OSBPL11: variants seen among roughly 807,000 people sequenced by gnomAD.
OSBPL11 encodes oxysterol-binding protein-related protein 11.
OSBPL11 carries 33 observed loss-of-function variants against 84.4 expected under a neutral mutation model. The ratio of observed to expected loss-of-function variants is 0.39; its 90% confidence interval spans 0.30 to 0.52. OSBPL11 has a LOEUF of 0.52. Among genes scored for constraint, OSBPL11 ranks in the 20% least tolerant of loss-of-function variants. The pLI is 0.72. For missense variants in OSBPL11, 736 were observed against 901.1 expected (o/e 0.82, Z 2.35); for synonymous variants, 276 against 310.2 (o/e 0.89, Z 1.16).
chr3:125,540,465 CACTT>C (rs1935713320), intron 10 of OSBPL11, among the ~76,000 whole-genome samples: 1 of 151,580 alleles, frequency 6.6e-6, no homozygotes, highest in Admixed American at 6.6e-5. Flanking sequence ...AAAGCATACA[CACTT>C]AAATAACTGC....
intron 8 of OSBPL11, among the ~76,000 whole-genome samples, chr3:125,557,457 C>A (rs1466221895): frequency 6.6e-6 from 1 of 152,130 alleles, no homozygotes; most frequent in Non-Finnish European, 1.5e-5. Context: ...CCTCAGCTTA[C>A]TGTAACCTCT....
chr3:125,545,606 A>G (rs886927859), intron 10 of OSBPL11, among the ~76,000 whole-genome samples: 2 of 152,024 alleles, frequency 1.3e-5, no homozygotes, highest in African/African-American at 2.4e-5. Context: ...AAGTATATAG[A>G]TATATGTATA....
chr3:125,560,209 C>T (rs550348419), intron 8 of OSBPL11, among the ~76,000 whole-genome samples, 170 bp downstream of exon 8: 32 of 151,954 alleles, frequency 2.1e-4, no homozygotes, highest in African/African-American at 6.8e-4. Flanking sequence ...TGCAGTGAGC[C>T]GAGATCGCAC....
intron 1 of OSBPL11, 47 bp from the exon 2 acceptor site, chr3:125,583,025 C>A: frequency 1.5e-6 from 2 of 1,368,988 alleles, no homozygotes; most frequent in Non-Finnish European, 2.0e-6. Flanking sequence ...TAGAAGAAAT[C>A]CCAGGAGGAT....
Position 125,552,320 on chromosome 3 carries a change from A to G in OSBPL11, c.1515T>C (p.Val505=). The change falls in exon 9 of 13, where the codon GTT becomes GTC. Residue 505 remains valine (V), a synonymous_variant. Transcript: ENST00000296220. The stretch of plus-strand genomic sequence containing the variant: ...GAGGATGATGAGAAACCTGCTCAGC[A>G]ACAAATCTGACTGTGTAACAGTCTG... ...VGSDCYTVRF[V]AEQVSHHPPV... The G allele has an allele frequency of 6.2e-7, 1 of 1,614,140 alleles. No homozygotes were observed. The highest frequency in any genetic ancestry group is 8.5e-7 in the Non-Finnish European group (1 of 1,180,024).
At chr3:125,579,090 A>G in intron 3 of OSBPL11, 51 bp from the exon 4 acceptor site, 3 of 1,284,756 alleles carry the variant, frequency 2.3e-6, no homozygotes, top group Non-Finnish European at 3.3e-6. Flanking sequence ...CTGGAACACA[A>G]TTAATTGCCT....
At chr3:125,590,323 G>T (rs936043056) in intron 1 of OSBPL11, among the ~76,000 whole-genome samples, 1 of 152,208 alleles carries the variant, frequency 6.6e-6, no homozygotes, top group Non-Finnish European at 1.5e-5. Flanking sequence ...GCCGAAGTGG[G>T]TGGATCACTT....
At chr3:125,548,875 AT>A (rs34392203) in intron 9 of OSBPL11, among the ~76,000 whole-genome samples, 17,376 of 146,774 alleles carry the variant, frequency 0.12, 1,230 homozygotes, top group Non-Finnish European at 0.17. Context: ...AACATCAACT[AT>A]TTTTTTTTTT....
At chr3:125,555,796 TGCCTCA>T (rs2107597183) in intron 8 of OSBPL11, among the ~76,000 whole-genome samples, 1 of 152,244 alleles carries the variant, frequency 6.6e-6, no homozygotes, top group South Asian at 2.1e-4. Flanking sequence ...GTGATTCCTG[TGCCTCA>T]GCCTCCTGAA....
intron 1 of OSBPL11, among the ~76,000 whole-genome samples, chr3:125,594,303 T>A (rs1356824267): frequency 6.6e-6 from 1 of 152,230 alleles, no homozygotes; most frequent in Non-Finnish European, 1.5e-5. Context: ...TCGCAGTCTA[T>A]CAGAGAAAGC....
intron 10 of OSBPL11, 125 bp from the exon 11 acceptor site, chr3:125,538,758 T>C: frequency 2.9e-6 from 2 of 693,016 alleles, no homozygotes; most frequent in East Asian, 2.7e-5. Flanking sequence ...CACTTCAATA[T>C]GTCAGTGCCA....
rs1264366317 is a variant in OSBPL11 at position 125,530,106 on chromosome 3, G to C, written c.*409C>G. 1 of 181,460 alleles carries C rather than the reference G, an allele frequency of 5.5e-6. No individual in the cohort carries two copies. The highest frequency in any genetic ancestry group is 1.2e-5 in the Non-Finnish European group (1 of 84,514). The allele number at this position is 181,460 out of a possible 1,614,324, so 11.2% of individuals were successfully genotyped here. On this transcript the variant is annotated 3_prime_UTR_variant, in exon 13 of 13. Transcript: ENST00000296220. ...GTAGTGAATACTTCAGTTATGGACA[G>C]AAAGAAAGACACAAACTCTGAAACG...
intron 10 of OSBPL11, among the ~76,000 whole-genome samples, chr3:125,546,173 G>GT (rs1559837047): frequency 7.2e-6 from 1 of 137,972 alleles, no homozygotes; most frequent in Non-Finnish European, 1.6e-5. Flanking sequence ...TTTTGTGTGT[G>GT]TGTGTTTTTT....
Position 125,595,257 on chromosome 3 carries a change from G to A in OSBPL11, c.-457C>T, listed in dbSNP as rs911451441. On this transcript the variant is annotated 5_prime_UTR_variant, in exon 1 of 13. Coordinates refer to ENST00000296220, the MANE Select transcript of OSBPL11 (RefSeq NM_022776.5). ...GTCCTCAGGCAGTGCGTCCAGTCAA[G>A]CCCGCTCGGCAGTTCCCGCCGCAGC... 6.6e-6 allele frequency among the ~76,000 whole-genome samples: 1 copy of A among 152,182 alleles called. No individual in the cohort carries two copies. The highest frequency in any genetic ancestry group is 2.4e-5 in the African/African-American group (1 of 41,454).
At chr3:125,545,006 C>T (rs1935789688) in intron 10 of OSBPL11, among the ~76,000 whole-genome samples, 1 of 152,166 alleles carries the variant, frequency 6.6e-6, no homozygotes, top group African/African-American at 2.4e-5. Flanking sequence ...TTTAGATTTT[C>T]TAGATCCTGT....
At chr3:125,530,994 T>TTTC (rs1553731286) in intron 12 of OSBPL11, among the ~76,000 whole-genome samples, 1 of 151,216 alleles carries the variant, frequency 6.6e-6, no homozygotes, top group East Asian at 1.9e-4. Context: ...CTTTTTTTTT[T>TTTC]CCCCCAAGAC....
At chr3:125,544,219 C>A (rs1261229327) in intron 10 of OSBPL11, among the ~76,000 whole-genome samples, 1 of 151,978 alleles carries the variant, frequency 6.6e-6, no homozygotes, top group Non-Finnish European at 1.5e-5. Context: ...CCACGCCCAG[C>A]TATTTTTTGT....
rs1935541314 is a variant in OSBPL11, at chr3:125,530,530, T to C, written c.2229A>G (p.Thr743=). 1 of 1,613,802 alleles carries C rather than the reference T, an allele frequency of 6.2e-7. No homozygotes were observed. Residue 743 remains threonine (T), a synonymous_variant, in exon 13 of 13, where the codon ACA becomes ACG. Coordinates refer to ENST00000296220, the MANE Select transcript of OSBPL11 (RefSeq NM_022776.5). Reference sequence around the variant, plus strand: ...ATAGTATGTGTCACTCTGCTGGTTGTGTTGTTGGAATTATTTTCCAAAGTG... The same window carrying C: ...ATAGTATGTGTCACTCTGCTGGTTGCGTTGTTGGAATTATTTTCCAAAGTG... The part of the protein sequence containing the change: ...HKPLWKIIPT[T]QPAE
At chr3:125,589,033 C>T (rs577908076) in intron 1 of OSBPL11, among the ~76,000 whole-genome samples, 39 of 152,228 alleles carry the variant, frequency 2.6e-4, no homozygotes, top group Non-Finnish European at 4.3e-4. Context: ...TTTTAGGTAT[C>T]CCATCTATGA....
Sources: allele counts gnomAD v4.1 joint callset (sites outside exome capture counted in the v4.1 genomes callset), GRCh38; gene constraint gnomAD v4.1.1; transcripts MANE v1.5; gene names NCBI Gene and HGNC (gene_info 2026-07-23, HGNC 2026-07-21).